TET2: variants seen among roughly 807,000 people sequenced by gnomAD.
TET2 encodes methylcytosine dioxygenase TET2.
Under a neutral mutation model 142.9 loss-of-function variants are expected in TET2, and 299 were observed. The observed-to-expected ratio is 2.09, with a 90% CI of 1.90 to 2.30. The LOEUF (loss-of-function observed/expected upper bound fraction) is 2.30, where lower values mean the gene tolerates loss of function less well. Ranked by LOEUF, TET2 falls within the 30% of genes most tolerant of loss-of-function variation. The pLI is 0.00. For missense variants in TET2, 2,418 were observed against 2,378.0 expected (o/e 1.02, Z -0.35); for synonymous variants, 819 against 849.0 (o/e 0.96, Z 0.61).
intron 2 of TET2, among the ~76,000 whole-genome samples, chr4:105,229,397 G>T (rs1467743491): frequency 2.6e-5 from 4 of 152,104 alleles, no homozygotes; most frequent in Non-Finnish European, 2.9e-5. Flanking sequence ...TGCAACCTCC[G>T]CCTCCTGGGT....
chr4:105,252,825 T>A (rs1295841157), intron 6 of TET2, among the ~76,000 whole-genome samples: 4 of 152,182 alleles, frequency 2.6e-5, no homozygotes, highest in Admixed American at 2.6e-4. Flanking sequence ...CTATAAAGAC[T>A]ATGTATAGAT....
chr4:105,201,330 C>T (rs562968226), intron 2 of TET2, among the ~76,000 whole-genome samples: 5 of 152,208 alleles, frequency 3.3e-5, no homozygotes, highest in South Asian at 2.1e-4. Context: ...GAGTGGTTCA[C>T]GCTTATATAT....
intron 9 of TET2, among the ~76,000 whole-genome samples, chr4:105,271,275 A>G (rs2110303777): frequency 6.6e-6 from 1 of 152,348 alleles, no homozygotes; most frequent in South Asian, 2.1e-4. Flanking sequence ...AACATCTAAA[A>G]TCATCACTAA....
At chr4:105,207,178 C>G (rs1469331976) in intron 2 of TET2, among the ~76,000 whole-genome samples, 1 of 152,116 alleles carries the variant, frequency 6.6e-6, no homozygotes, top group Non-Finnish European at 1.5e-5. Context: ...TCAAAAAGAT[C>G]TCAAATCTTA....
At chr4:105,239,186 A>G (rs1729147534) in intron 3 of TET2, 1 of 240,100 alleles carries the variant, frequency 4.2e-6, no homozygotes, top group African/African-American at 2.2e-5. Flanking sequence ...CCATTACTCT[A>G]CACAAGCAGG....
Position 105,276,657 on chromosome 4 carries a change from G to A in TET2, c.*138G>A, listed in dbSNP as rs1731237968. The A allele has an allele frequency of 9.1e-6, 9 of 989,466 alleles. No homozygotes were observed. In the South Asian group the frequency reaches 1.7e-4, roughly 18 times the overall value. 61.3% of individuals were successfully genotyped at this position (989,466 alleles called of 1,614,324 possible). On this transcript the variant is annotated 3_prime_UTR_variant, in exon 11 of 11. Transcript: ENST00000380013. ...TGGTGGGAAAAACCTCAGCTCACCA[G>A]CAACAAAAGAGGTTATCTTACCATA...
Position 105,150,231 on chromosome 4 carries a change from G to A in TET2, c.-193+3252G>A, listed in dbSNP as rs75542095. On this transcript the variant is annotated intron_variant, in intron 1 of 10. Transcript: ENST00000380013. ...TAAAATATCTTCAAAAGTTACGGAT[G>A]CTAGACATTGTATAATGTCAATATT... is the stretch of plus-strand genomic sequence containing the variant. Among the ~76,000 whole-genome samples the A allele has an allele frequency of 1.6e-4, 24 of 152,244 alleles. No individual in the cohort carries two copies. In the East Asian group the frequency reaches 4.4e-3, roughly 28 times the overall value.
At chr4:105,155,096 AAC>A (rs1167848008) in intron 1 of TET2, among the ~76,000 whole-genome samples, 5 of 152,200 alleles carry the variant, frequency 3.3e-5, no homozygotes, top group Non-Finnish European at 7.3e-5. Context: ...TAGAAATAAT[AAC>A]AAATTACTAG....
At chr4:105,210,656 A>G (rs1380429037) in intron 2 of TET2, among the ~76,000 whole-genome samples, 1 of 152,186 alleles carries the variant, frequency 6.6e-6, no homozygotes, top group East Asian at 1.9e-4. Flanking sequence ...CACCATCATC[A>G]ACCTTTTAGC....
Position 105,276,835 on chromosome 4 carries a change from T to TGGTGGGGGGGGGGGGGGGGGG in TET2, c.*317_*318insGTGGGGGGGGGGGGGGGGGGG. 1 of 228,252 alleles carries TGGTGGGGGGGGGGGGGGGGGG rather than the reference T, an allele frequency of 4.4e-6. No homozygotes were observed. The allele number at this position is 228,252 out of a possible 1,614,324, so 14.1% of individuals were successfully genotyped here. A position where few individuals can be genotyped will look rare whatever the true frequency, so the allele number is the denominator to read the frequency against. Reference sequence around the variant, plus strand: ...TATTGGACGAGATGATATGTAAATGTGATCCCCCCCCCCCGCTTACAACTC... The same window carrying TGGTGGGGGGGGGGGGGGGGGG: ...TATTGGACGAGATGATATGTAAATGTGGTGGGGGGGGGGGGGGGGGGGATCCCCCCCCCCCGCTTACAACTC... On this transcript the variant is annotated 3_prime_UTR_variant, in exon 11 of 11. Transcript: ENST00000380013.
At position 105,235,909 on chromosome 4, in the gene TET2, C is replaced by G. The variant is rs1188767381; in HGVS notation, c.1967C>G (p.Pro656Arg). The G allele has an allele frequency of 1.2e-6, 2 of 1,613,960 alleles. No individual in the cohort carries two copies. Among genetic ancestry groups the G allele is most frequent in the African/African-American group, 2.7e-5 (2 of 74,916 alleles). ...TVDQHLQFQK[P>R]SHQVHFSKTD... ...GACCAACATCTCCAGTTCCAAAAAC[C>G]CTCACACCAGGTGCACTTCTCCAAA... The change falls in exon 3 of 11, where the codon CCC becomes CGC. Residue 656 changes from proline (P) to arginine (R), a missense_variant. Coordinates refer to ENST00000380013, the MANE Select transcript of TET2 (RefSeq NM_001127208.3).
rs2110307031 is a variant in TET2, at chr4:105,272,806, A to G, written c.4425A>G (p.Ala1475=). 3 of 1,551,694 alleles carry G rather than the reference A, an allele frequency of 1.9e-6. No individual in the cohort carries two copies. Among genetic ancestry groups the G allele is most frequent in the African/African-American group, 2.7e-5 (2 of 73,174 alleles). Residue 1475 remains alanine, a synonymous_variant, in exon 10 of 11, where the codon GCA becomes GCG. Transcript: ENST00000380013. Reference sequence around the variant, plus strand: ...GGAAACTAGAAGCCAAGAAAGCTGCAGCTGAAAAGCTTTCCTCCCTGGAGA... The same window carrying G: ...GGAAACTAGAAGCCAAGAAAGCTGCGGCTGAAAAGCTTTCCTCCCTGGAGA... The part of the protein sequence containing the change: ...RQRKLEAKKA[A]AEKLSSLENS...
chr4:105,168,588 T>A (rs2110406248), intron 1 of TET2, among the ~76,000 whole-genome samples: 1 of 152,262 alleles, frequency 6.6e-6, no homozygotes, highest in Non-Finnish European at 1.5e-5. Flanking sequence ...TTTAAAATTT[T>A]ATTTTTTTAT....
intron 1 of TET2, among the ~76,000 whole-genome samples, chr4:105,161,566 C>G (rs1472601703): frequency 2.0e-5 from 3 of 152,142 alleles, no homozygotes; most frequent in African/African-American, 7.2e-5. Flanking sequence ...AAAAATCATC[C>G]TATCTTATAT....
At chr4:105,171,420 G>A (rs1384879205) in intron 1 of TET2, 3 of 152,116 alleles carry the variant, frequency 2.0e-5, no homozygotes, top group African/African-American at 7.2e-5. Context: ...AAGAAGCATT[G>A]ATTAATAAGT....
chr4:105,267,438 G>A (rs747779902), intron 8 of TET2, among the ~76,000 whole-genome samples: 1 of 151,576 alleles, frequency 6.6e-6, no homozygotes, highest in African/African-American at 2.4e-5. Flanking sequence ...CTGAGGAATT[G>A]AAAGTATATT....
At chr4:105,273,225 T>C (rs1302257740) in intron 10 of TET2, among the ~76,000 whole-genome samples, 1 of 152,228 alleles carries the variant, frequency 6.6e-6, no homozygotes, top group African/African-American at 2.4e-5. Flanking sequence ...TTTGGAAAGT[T>C]ATATCAATCA....
chr4:105,183,656 A>G (rs1442051467), intron 1 of TET2, among the ~76,000 whole-genome samples: 1 of 152,148 alleles, frequency 6.6e-6, no homozygotes, highest in Non-Finnish European at 1.5e-5. Flanking sequence ...TATCTCTTCT[A>G]CAGCCTACCC....
chr4:105,246,004 C>T (rs1203681505), intron 6 of TET2, among the ~76,000 whole-genome samples: 1 of 152,142 alleles, frequency 6.6e-6, no homozygotes, highest in African/African-American at 2.4e-5. Flanking sequence ...TTTCTCAGCT[C>T]ACCACAACCT....
Sources: allele counts gnomAD v4.1 joint callset (sites outside exome capture counted in the v4.1 genomes callset), GRCh38; gene constraint gnomAD v4.1.1; transcripts MANE v1.5; gene names NCBI Gene and HGNC (gene_info 2026-07-23, HGNC 2026-07-21).